STK3: variants seen among roughly 807,000 people sequenced by gnomAD.
The protein encoded by STK3 is serine/threonine-protein kinase 3.
In STK3, 41 loss-of-function variants were observed where a neutral mutation model predicts 58.0. The observed-to-expected ratio is 0.71, with a 90% CI of 0.55 to 0.92. The LOEUF (loss-of-function observed/expected upper bound fraction) is 0.92, where lower values mean the gene tolerates loss of function less well. STK3 is among the 40% of genes least tolerant of loss of function. The pLI is 0.00. For synonymous variants in STK3, 170 were observed against 191.0 expected (o/e 0.89, Z 0.91); for missense variants, 479 against 602.7 (o/e 0.79, Z 2.15).
At chr8:98,497,022 T>C (rs914821722) in intron 10 of STK3, among the ~76,000 whole-genome samples, 4 of 152,090 alleles carry the variant, frequency 2.6e-5, no homozygotes, top group African/African-American at 9.7e-5. Context: ...ACAAAGTTGG[T>C]GGACACACAC....
At chr8:98,661,169 G>GT (rs1821938170) in intron 6 of STK3, among the ~76,000 whole-genome samples, 7 of 151,280 alleles carry the variant, frequency 4.6e-5, no homozygotes, top group Admixed American at 4.6e-4. Context: ...AATTCAATAG[G>GT]TAAATACTGA....
intron 10 of STK3, among the ~76,000 whole-genome samples, chr8:98,482,295 T>C (rs1374256209): frequency 1.3e-5 from 2 of 152,210 alleles, no homozygotes; most frequent in African/African-American, 4.8e-5. Flanking sequence ...ACAACTGAAG[T>C]TAAAGCTAAA....
At position 98,835,157 on chromosome 8, in the gene STK3, T is replaced by C. The variant is rs149269504; in HGVS notation, c.110+48490A>G. The stretch of plus-strand genomic sequence containing the variant: ...TGACTCTCTGGGCCTAAGAGAGTCA[T>C]TTTGCATACCTCACATAGCTCAGAC... On this transcript the variant is annotated intron_variant, in intron 3 of 12. Transcript: ENST00000523601. Among the ~76,000 whole-genome samples the C allele has an allele frequency of 8.2e-4, 125 of 152,298 alleles. 1 individual carries two copies. Among genetic ancestry groups the C allele is most frequent in the African/African-American group, 2.8e-3 (118 of 41,578 alleles).
intron 7 of STK3, among the ~76,000 whole-genome samples, chr8:98,591,337 C>T (rs1024457392): frequency 1.4e-4 from 21 of 152,236 alleles, no homozygotes; most frequent in African/African-American, 5.1e-4. Flanking sequence ...AAACACTCAA[C>T]TACACTAATG....
At chr8:98,861,237 C>A (rs1474969260) in intron 3 of STK3, among the ~76,000 whole-genome samples, 1 of 151,456 alleles carries the variant, frequency 6.6e-6, no homozygotes, top group Non-Finnish European at 1.5e-5. Context: ...AATCCATCTT[C>A]TTTTCCACCA....
chr8:98,653,834 A>G (rs1821204779), intron 6 of STK3, among the ~76,000 whole-genome samples: 1 of 152,192 alleles, frequency 6.6e-6, no homozygotes, highest in Admixed American at 6.5e-5. Flanking sequence ...AATTGAGGCA[A>G]TAATTAATAG....
chr8:98,867,607 A>G (rs1017551878), intron 3 of STK3, among the ~76,000 whole-genome samples: 2 of 151,732 alleles, frequency 1.3e-5, no homozygotes, highest in African/African-American at 4.8e-5. Context: ...CACCCACTGC[A>G]CAATTTTGTC....
chr8:98,608,798 C>G (rs753750274), intron 6 of STK3, among the ~76,000 whole-genome samples: 4 of 152,184 alleles, frequency 2.6e-5, no homozygotes, highest in Non-Finnish European at 4.4e-5. Flanking sequence ...AACTAATCAC[C>G]TTATTCTAGT....
intron 4 of STK3, among the ~76,000 whole-genome samples, chr8:98,713,208 C>T (rs571272938): frequency 3.3e-4 from 51 of 152,252 alleles, no homozygotes; most frequent in South Asian, 1.2e-3. Context: ...GACACCCTAA[C>T]ATCACAATTA....
At chr8:98,678,711 A>G (rs1390120460) in intron 6 of STK3, among the ~76,000 whole-genome samples, 1 of 152,216 alleles carries the variant, frequency 6.6e-6, no homozygotes. Context: ...AAAAACCAGT[A>G]TGTACTAATG....
intron 10 of STK3, among the ~76,000 whole-genome samples, chr8:98,526,073 CT>C (rs1825725577): frequency 6.6e-6 from 1 of 151,788 alleles, no homozygotes; most frequent in Non-Finnish European, 1.5e-5. Context: ...AAAATTTTCA[CT>C]CCATTAAATA....
At chr8:98,658,868 T>G (rs1234284968) in intron 6 of STK3, among the ~76,000 whole-genome samples, 1 of 152,120 alleles carries the variant, frequency 6.6e-6, no homozygotes, top group Non-Finnish European at 1.5e-5. Context: ...CACACTGACC[T>G]GTTTATGTTA....
intron 1 of STK3, among the ~76,000 whole-genome samples, chr8:98,810,735 A>G (rs1166469291): frequency 6.6e-6 from 1 of 152,108 alleles, no homozygotes. Context: ...TCCCCTCCAA[A>G]TCTCATGTTG....
At chr8:98,518,850 G>A (rs1287091883) in intron 10 of STK3, among the ~76,000 whole-genome samples, 1 of 152,074 alleles carries the variant, frequency 6.6e-6, no homozygotes, top group Admixed American at 6.6e-5. Context: ...AGGAATGACT[G>A]AGTAGTGAAA....
At chr8:98,841,396 G>A (rs1835975475) in intron 3 of STK3, among the ~76,000 whole-genome samples, 1 of 152,046 alleles carries the variant, frequency 6.6e-6, no homozygotes, top group African/African-American at 2.4e-5. Flanking sequence ...ACAGTTTATT[G>A]TATGTCAATT....
chr8:98,647,041 A>T (rs1254514103), intron 6 of STK3, among the ~76,000 whole-genome samples: 1 of 152,040 alleles, frequency 6.6e-6, no homozygotes, highest in Admixed American at 6.6e-5. Context: ...TACTGATCTC[A>T]CCTACCTCCA....
intron 1 of STK3, among the ~76,000 whole-genome samples, chr8:98,923,848 TGTGTGTGCGCGC>T (rs749200448): frequency 7.5e-5 from 9 of 120,176 alleles, no homozygotes; most frequent in Admixed American, 2.8e-4. Flanking sequence ...TGTGTGTGTG[TGTGTGTGCGCGC>T]GCGCGCGCGC....
intron 3 of STK3, among the ~76,000 whole-genome samples, chr8:98,402,526 G>C (rs566278367): frequency 1.3e-5 from 2 of 152,334 alleles, no homozygotes; most frequent in South Asian, 4.1e-4. Flanking sequence ...CAGTACAGCA[G>C]AGCAAAGCCA....
chr8:98,689,761 T>G (rs1824258771), intron 6 of STK3, among the ~76,000 whole-genome samples: 1 of 152,114 alleles, frequency 6.6e-6, no homozygotes, highest in African/African-American at 2.4e-5. Flanking sequence ...CCAGCCTGGA[T>G]GACAAAGTAA....
Sources: allele counts gnomAD v4.1 joint callset (sites outside exome capture counted in the v4.1 genomes callset), GRCh38; gene constraint gnomAD v4.1.1; transcripts MANE v1.5; gene names NCBI Gene and HGNC (gene_info 2026-07-23, HGNC 2026-07-21).